Variants in SMURF1 observed in about 807,000 individuals in gnomAD.
SMURF1 encodes the protein E3 ubiquitin-protein ligase SMURF1.
SMURF1 carries 44 observed loss-of-function variants against 98.0 expected under a neutral mutation model. The observed-to-expected ratio is 0.45, with a 90% confidence interval of 0.35 to 0.58. SMURF1 has a LOEUF of 0.58. Ranked by LOEUF, SMURF1 falls within the 20% of genes least tolerant of loss-of-function variation. The pLI is 0.00. For synonymous variants in SMURF1, 396 were observed against 374.9 expected (o/e 1.06, Z -0.65); for missense variants, 687 against 938.4 (o/e 0.73, Z 3.50).
intron 1 of SMURF1, among the ~76,000 whole-genome samples, chr7:99,087,770 G>A (rs557345612): frequency 1.3e-5 from 2 of 152,118 alleles, no homozygotes; most frequent in Admixed American, 6.5e-5. Flanking sequence ...CGCTGCCACT[G>A]CTCAAGTCCA....
At chr7:99,048,110 G>A (rs150335275) in intron 9 of SMURF1, 10 of 497,024 alleles carry the variant, frequency 2.0e-5, no homozygotes, top group East Asian at 3.8e-5. Flanking sequence ...ACCCCAGGCC[G>A]GGCGTGGTGG....
intron 1 of SMURF1, among the ~76,000 whole-genome samples, chr7:99,139,149 G>T (rs1798058062): frequency 6.6e-6 from 1 of 152,114 alleles, no homozygotes; most frequent in Admixed American, 6.5e-5. Context: ...TAACTATTTT[G>T]AATCAATTGA....
Position 99,035,601 on chromosome 7 carries a change from G to A in SMURF1, c.1925C>T (p.Thr642Met), listed in dbSNP as rs778012554. 8.1e-6 allele frequency: 13 copies of A among 1,614,084 alleles called. No homozygotes were observed. Among genetic ancestry groups the A allele is most frequent in the South Asian group, 3.3e-5 (3 of 91,086 alleles). Residue 642 changes from threonine to methionine, a missense_variant, in exon 16 of 18, where the codon ACG becomes ATG. By Grantham distance (81) the Thr-to-Met change is moderately conservative (BLOSUM62 -1). Transcript: ENST00000361368. ...IVRWFWQAVETFDEERRARLL... is the reference protein window; with the variant it reads ...IVRWFWQAVEMFDEERRARLL... ...CCTGGCCCTCCTTTCTTCATCGAAC[G>A]TCTCCACCGCTTGCCAGAACCACCG...
At chr7:99,063,234 GATTTATTTATATATATAT>G (rs1796080972) in intron 1 of SMURF1, among the ~76,000 whole-genome samples, 2 of 20,468 alleles carry the variant, frequency 9.8e-5, no homozygotes, top group African/African-American at 2.6e-4. Context: ...ATATATATAA[GATTTATTTATATATATAT>G]ATATATATAT....
chr7:99,064,989 G>A (rs949494993), intron 1 of SMURF1, among the ~76,000 whole-genome samples: 1 of 152,074 alleles, frequency 6.6e-6, no homozygotes, highest in Non-Finnish European at 1.5e-5. Flanking sequence ...TTTAAAAAAT[G>A]ACTTCATAAG....
At chr7:99,052,682 TTTC>T (rs1795788844) in intron 6 of SMURF1, among the ~76,000 whole-genome samples, 1 of 152,216 alleles carries the variant, frequency 6.6e-6, no homozygotes. Flanking sequence ...AACTGTACAA[TTTC>T]ACCATAGGGT....
At chr7:99,074,054 G>A (rs1040316514) in intron 1 of SMURF1, among the ~76,000 whole-genome samples, 1 of 152,160 alleles carries the variant, frequency 6.6e-6, no homozygotes, top group African/African-American at 2.4e-5. Context: ...ACACATTTAT[G>A]AATGAATCTC....
At chr7:99,078,929 C>T (rs962471513) in intron 1 of SMURF1, among the ~76,000 whole-genome samples, 2 of 152,260 alleles carry the variant, frequency 1.3e-5, no homozygotes, top group Non-Finnish European at 2.9e-5. Context: ...CCATCTCCCC[C>T]ACCCCTGTCC....
chr7:99,030,982 C>G (rs1794855696), intron 17 of SMURF1: 1 of 282,918 alleles, frequency 3.5e-6, no homozygotes, highest in Non-Finnish European at 6.8e-6. Flanking sequence ...GCCACTGTGC[C>G]CAATCAACAC....
At chr7:99,112,935 T>C (rs1427650200) in intron 1 of SMURF1, among the ~76,000 whole-genome samples, 2 of 152,130 alleles carry the variant, frequency 1.3e-5, no homozygotes, top group Admixed American at 6.5e-5. Flanking sequence ...GTCATGAGAA[T>C]AGATAAACCT....
Position 99,073,423 on chromosome 7 carries a change from A to G in SMURF1, c.56-11586T>C, listed in dbSNP as rs552093220. Among the ~76,000 whole-genome samples, 256 of 150,574 alleles carry G rather than the reference A, an allele frequency of 1.7e-3. 2 individuals are homozygous for G. Among genetic ancestry groups the G allele is most frequent in the Non-Finnish European group, 7.1e-4 (48 of 67,738 alleles). ...ATTTGTCACAACATTAAACGTTTCCAGTCGATGTAGCTAACAATAGATTCA... is the reference window on the plus strand; with the variant it reads ...ATTTGTCACAACATTAAACGTTTCCGGTCGATGTAGCTAACAATAGATTCA... On this transcript the variant is annotated intron_variant, in intron 1 of 17. Transcript: ENST00000361368.
rs219811 is a variant in SMURF1 at position 99,028,845 on chromosome 7, A to C, written c.*1739T>G. The C allele has an allele frequency of 0.16, 23,691 of 152,052 alleles. 5,818 individuals are homozygous for C. Among genetic ancestry groups the C allele is most frequent in the African/African-American group, 0.53 (21,752 of 41,402 alleles). 9.4% of individuals were successfully genotyped at this position (152,052 alleles called of 1,614,324 possible). A position where few individuals can be genotyped will look rare whatever the true frequency, so the allele number is the denominator to read the frequency against. On this transcript the variant is annotated 3_prime_UTR_variant, in exon 18 of 18. Coordinates refer to ENST00000361368, the MANE Select transcript of SMURF1 (RefSeq NM_181349.3). The stretch of plus-strand genomic sequence containing the variant: ...GGAGGTCTGTAGTTTTCACTTCCTC[A>C]CCTTCAAGAGGAAGATGATGCAAGG...
chr7:99,108,632 AAAAG>A (rs1554447372), intron 1 of SMURF1, among the ~76,000 whole-genome samples: 189 of 145,176 alleles, frequency 1.3e-3, no homozygotes, highest in East Asian at 4.4e-3. Flanking sequence ...AAAAAAAAAA[AAAAG>A]AAAGAAAGAA....
chr7:99,046,168 A>T (rs554512229), intron 10 of SMURF1, among the ~76,000 whole-genome samples: 32 of 152,308 alleles, frequency 2.1e-4, no homozygotes, highest in Admixed American at 8.5e-4. Flanking sequence ...AAATCAAGAC[A>T]TTAGAAAGTC....
intron 1 of SMURF1, among the ~76,000 whole-genome samples, chr7:99,137,575 A>C (rs891911220): frequency 2.0e-5 from 3 of 152,204 alleles, no homozygotes; most frequent in Admixed American, 6.5e-5. Flanking sequence ...GCAAGCTGCA[A>C]GTTGGGCTCC....
At chr7:99,048,556 T>C (rs972432531) in intron 9 of SMURF1, 2 of 152,254 alleles carry the variant, frequency 1.3e-5, no homozygotes, top group East Asian at 1.9e-4. Context: ...ATGGAGATGA[T>C]GGGAAAAAAT....
intron 1 of SMURF1, among the ~76,000 whole-genome samples, chr7:99,137,607 G>GTT (rs1798021979): frequency 1.3e-5 from 2 of 152,164 alleles, no homozygotes; most frequent in Non-Finnish European, 1.5e-5. Flanking sequence ...CATCTGAAAT[G>GTT]CATCACCCAG....
At chr7:99,040,641 A>G (rs1048510848) in intron 12 of SMURF1, 85 bp from the exon 13 acceptor site, 40 of 1,281,298 alleles carry the variant, frequency 3.1e-5, no homozygotes, top group Non-Finnish European at 3.8e-5. Context: ...GCTTCTTGGG[A>G]AAAGTGTCCC....
At chr7:99,060,507 C>CT (rs11311529) in intron 3 of SMURF1, 92 bp downstream of exon 3, 15,889 of 559,994 alleles carry the variant, frequency 0.028, 5 homozygotes, top group South Asian at 0.034. Flanking sequence ...AAAAGTCATC[C>CT]TTTTTTTTTT....
Sources: allele counts gnomAD v4.1 joint callset (sites outside exome capture counted in the v4.1 genomes callset), GRCh38; gene constraint gnomAD v4.1.1; transcripts MANE v1.5; gene names NCBI Gene and HGNC (gene_info 2026-07-23, HGNC 2026-07-21).